CCL28: variants seen among roughly 807,000 people sequenced by gnomAD.
CCL28 encodes the protein C-C motif chemokine ligand 28, also known as C-C motif chemokine 28.
In CCL28, 4 loss-of-function variants were observed where a neutral mutation model predicts 7.1. The ratio of observed to expected loss-of-function variants is 0.56; its 90% CI spans 0.28 to 1.29. CCL28 has a LOEUF of 1.29. CCL28 is among the 50% of genes most tolerant of loss of function. The pLI is 0.11. For missense variants in CCL28, 151 were observed against 163.4 expected (o/e 0.92, Z 0.41); for synonymous variants, 55 against 57.8 (o/e 0.95, Z 0.22).
At chr5:43,407,396 G>A (rs1460600131) in intron 1 of CCL28, among the ~76,000 whole-genome samples, 1 of 152,156 alleles carries the variant, frequency 6.6e-6, no homozygotes, top group African/African-American at 2.4e-5. Flanking sequence ...ATGGGGAAAG[G>A]ATTCCCTATT....
chr5:43,380,202 A>C lies in CCL28; in HGVS notation c.*1658T>G, dbSNP rs752662131. ...AAAGATGTAGGCTCCTTGTTTAGGC[A>C]GAGCGTAAAATCACCACACAGAAGG... On this transcript the variant is annotated 3_prime_UTR_variant, in exon 3 of 3. Coordinates refer to ENST00000361115, the MANE Select transcript of CCL28 (RefSeq NM_148672.3). The C allele has an allele frequency of 5.3e-5, 8 of 152,188 alleles. No individual in the cohort carries two copies. The allele number at this position is 152,188 out of a possible 1,614,324, so 9.4% of individuals were successfully genotyped here. A position where few individuals can be genotyped will look rare whatever the true frequency, so the allele number is the denominator to read the frequency against.
downstream of CCL28, among the ~76,000 whole-genome samples, chr5:43,377,652 T>G (rs1739933201): frequency 7.7e-6 from 1 of 129,694 alleles, no homozygotes; most frequent in Non-Finnish European, 1.6e-5. Context: ...AGGGAAGAGA[T>G]AAGCAAAGAA....
chr5:43,362,468 T>C, the CCL28 span, among the ~76,000 whole-genome samples: 1 of 152,172 alleles, frequency 6.6e-6, no homozygotes, highest in African/African-American at 2.4e-5. Context: ...ATTATATTTA[T>C]ACAAATATTA....
chr5:43,392,932 G>C (rs1198388463), intron 1 of CCL28, among the ~76,000 whole-genome samples: 1 of 152,008 alleles, frequency 6.6e-6, no homozygotes, highest in African/African-American at 2.4e-5. Context: ...TTTCCTTACA[G>C]TTTGCCATTT....
the CCL28 span, among the ~76,000 whole-genome samples, chr5:43,369,437 GTTTTT>G: frequency 6.6e-6 from 1 of 151,680 alleles, no homozygotes; most frequent in African/African-American, 2.4e-5. Flanking sequence ...TTTCTTTTCT[GTTTTT>G]GAGATGGATT....
intron 2 of CCL28, among the ~76,000 whole-genome samples, chr5:43,384,363 A>G (rs1475600502): frequency 6.6e-6 from 1 of 152,196 alleles, no homozygotes; most frequent in African/African-American, 2.4e-5. Context: ...TCAACTGGGG[A>G]AAAAAATCAG....
intron 1 of CCL28, among the ~76,000 whole-genome samples, chr5:43,389,871 T>C (rs993078401): frequency 1.3e-5 from 2 of 152,142 alleles, no homozygotes; most frequent in African/African-American, 2.4e-5. Flanking sequence ...GGAGAGAACA[T>C]GGGAAGTTAG....
downstream of CCL28, among the ~76,000 whole-genome samples, chr5:43,377,780 T>C (rs1739944783): frequency 1.7e-5 from 2 of 119,386 alleles, no homozygotes; most frequent in Admixed American, 1.0e-4. Flanking sequence ...TCGCCCAGGC[T>C]GGAGTGCAGT....
intron 1 of CCL28, among the ~76,000 whole-genome samples, chr5:43,394,318 CT>C (rs1292070211): frequency 6.6e-6 from 1 of 152,106 alleles, no homozygotes; most frequent in African/African-American, 2.4e-5. Flanking sequence ...GATCCTTTAC[CT>C]TTTAGATAAA....
At chr5:43,365,925 T>C in the CCL28 span, among the ~76,000 whole-genome samples, 4 of 152,240 alleles carry the variant, frequency 2.6e-5, no homozygotes, top group African/African-American at 9.6e-5. Flanking sequence ...CAATCTCTGA[T>C]ACCCTTTCTT....
At chr5:43,363,483 A>G in the CCL28 span, among the ~76,000 whole-genome samples, 1 of 152,222 alleles carries the variant, frequency 6.6e-6, no homozygotes, top group Non-Finnish European at 1.5e-5. Context: ...TGGGAAGCAC[A>G]TAGGCTCAGA....
intron 1 of CCL28, among the ~76,000 whole-genome samples, chr5:43,411,141 T>C (rs1181659016): frequency 6.6e-6 from 1 of 152,200 alleles, no homozygotes; most frequent in African/African-American, 2.4e-5. Flanking sequence ...ATCCAATTTG[T>C]ATGTGTGTAT....
the CCL28 span, among the ~76,000 whole-genome samples, chr5:43,364,251 C>T: frequency 3.3e-5 from 5 of 151,912 alleles, no homozygotes; most frequent in African/African-American, 1.2e-4. Flanking sequence ...CAAAGTGATG[C>T]TCTTGGAGGA....
rs1380201126 is a variant in CCL28, at chr5:43,381,980, T to C, written c.264A>G (p.Gln88=). 6.2e-7 allele frequency: 1 copy of C among 1,614,222 alleles called. No homozygotes were observed. Among genetic ancestry groups the C allele is most frequent in the Non-Finnish European group, 8.5e-7 (1 of 1,180,036 alleles). ...NHTVKQWMKV[Q]AAKKNGKGNV... is the part of the protein sequence containing the mutation. ...TTCCTTTACCATTTTTCTTGGCAGC[T>C]TGCACTTTCATCCACTGCTTAACAG... The change falls in exon 3 of 3, where the codon CAA becomes CAG. Residue 88 remains glutamine (Q), a synonymous_variant. Coordinates refer to ENST00000361115, the MANE Select transcript of CCL28 (RefSeq NM_148672.3).
the CCL28 span, among the ~76,000 whole-genome samples, chr5:43,363,723 T>C: frequency 6.6e-6 from 1 of 152,224 alleles, no homozygotes; most frequent in Non-Finnish European, 1.5e-5. Flanking sequence ...CCAATTTCAG[T>C]AGCTCAGATT....
rs374864665 is a variant in CCL28, at chr5:43,412,332, T to C, written c.-16A>G. ...TCTGCTGCATTCCTGCCTGCCCTAC[T>C]GGCACTGACAGCAACACAAGTGAGG... On this transcript the variant is annotated 5_prime_UTR_variant, in exon 1 of 3. Coordinates refer to ENST00000361115, the MANE Select transcript of CCL28 (RefSeq NM_148672.3). 3 of 1,609,140 alleles carry C rather than the reference T, an allele frequency of 1.9e-6. No homozygotes were observed. The highest frequency in any genetic ancestry group is 1.7e-5 in the Admixed American group (1 of 59,792).
chr5:43,373,282 A>G (rs1739825298), downstream of CCL28, among the ~76,000 whole-genome samples: 1 of 151,970 alleles, frequency 6.6e-6, no homozygotes, highest in South Asian at 2.1e-4. Context: ...GTTGCTCCAC[A>G]TCCTTACTAA....
the CCL28 span, among the ~76,000 whole-genome samples, chr5:43,369,552 G>C: frequency 6.6e-6 from 1 of 152,122 alleles, no homozygotes. Context: ...AGCCTCCCAA[G>C]TAGCTGGGAT....
chr5:43,412,305 T>C lies in CCL28; in HGVS notation c.12A>G (p.Arg4=), dbSNP rs750235142. The C allele has an allele frequency of 6.2e-7, 1 of 1,612,914 alleles. No individual in the cohort carries two copies. Among genetic ancestry groups the C allele is most frequent in the East Asian group, 2.2e-5 (1 of 44,872 alleles). MQQ[R]GLAIVALAVC... ...CAGCCAAGGCCACGATGGCGAGTCC[T>C]CTCTGCTGCATTCCTGCCTGCCCTA... The change falls in exon 1 of 3, where the codon AGA becomes AGG. Residue 4 remains arginine (R), a synonymous_variant. Coordinates refer to ENST00000361115, the MANE Select transcript of CCL28 (RefSeq NM_148672.3).
Sources: gnomAD v4.1 joint callset for allele counts (sites outside exome capture counted in the v4.1 genomes callset) on GRCh38, gnomAD v4.1.1 for gene constraint, MANE v1.5 for transcripts, NCBI Gene and HGNC (gene_info 2026-07-23, HGNC 2026-07-21) for gene names.